GALNT14: variants seen among roughly 807,000 people sequenced by gnomAD.
GALNT14 encodes the protein UDP-GalNAc:polypeptide N-acetylgalactosaminyltransferase 14.
In GALNT14, 60 loss-of-function variants were observed where a neutral mutation model predicts 77.5. The ratio of observed to expected loss-of-function variants is 0.77; its 90% CI spans 0.63 to 0.96. The LOEUF is 0.96. GALNT14 is among the 40% of genes least tolerant of loss of function. The pLI is 0.00. For synonymous variants in GALNT14, 280 were observed against 281.7 expected (o/e 0.99, Z 0.06); for missense variants, 710 against 731.0 (o/e 0.97, Z 0.33).
At chr2:30,980,167 C>T (rs772812721) in intron 2 of GALNT14, among the ~76,000 whole-genome samples, 1 of 152,224 alleles carries the variant, frequency 6.6e-6, no homozygotes, top group Non-Finnish European at 1.5e-5. Context: ...CTGTGACTCA[C>T]ATGAGCCGCA....
chr2:31,111,995 C>CTTTTTTTT (rs398080139), intron 1 of GALNT14, among the ~76,000 whole-genome samples: 43 of 134,100 alleles, frequency 3.2e-4, no homozygotes, highest in South Asian at 2.3e-4. Context: ...TGTGTACTTG[C>CTTTTTTTT]TTTTTTTTTT....
At chr2:31,017,529 A>G (rs1160882082) in intron 1 of GALNT14, among the ~76,000 whole-genome samples, 1 of 152,224 alleles carries the variant, frequency 6.6e-6, no homozygotes, top group African/African-American at 2.4e-5. Flanking sequence ...AATGAAGTAA[A>G]GGGTTTAAAG....
intron 1 of GALNT14, among the ~76,000 whole-genome samples, chr2:31,097,780 A>G (rs1677075061): frequency 6.6e-6 from 1 of 152,102 alleles, no homozygotes; most frequent in Non-Finnish European, 1.5e-5. Flanking sequence ...CTGTTTGTAG[A>G]GCAAGACTGT....
At chr2:30,894,144 A>G in the GALNT14 span, among the ~76,000 whole-genome samples, 1 of 152,070 alleles carries the variant, frequency 6.6e-6, no homozygotes, top group Admixed American at 6.5e-5. Flanking sequence ...TTGATAAGTT[A>G]TTGCACTTCT....
chr2:30,907,753 A>G (rs1336838692), downstream of GALNT14, among the ~76,000 whole-genome samples: 76 of 148,378 alleles, frequency 5.1e-4, no homozygotes, highest in African/African-American at 1.8e-3. Context: ...CAGAGACACA[A>G]CAAAAAAAGA....
intron 6 of GALNT14, among the ~76,000 whole-genome samples, chr2:30,954,544 G>A (rs1383023139): frequency 6.6e-6 from 1 of 152,180 alleles, no homozygotes; most frequent in Non-Finnish European, 1.5e-5. Context: ...GTTACTGATG[G>A]GCCTTAACCT....
intron 1 of GALNT14, among the ~76,000 whole-genome samples, chr2:31,005,717 T>C (rs1422684780): frequency 2.6e-5 from 4 of 152,188 alleles, no homozygotes; most frequent in Non-Finnish European, 5.9e-5. Context: ...TGTCCGTCTG[T>C]GAGAATTGGT....
chr2:31,115,270 A>T (rs1305376352), intron 1 of GALNT14, among the ~76,000 whole-genome samples: 1 of 151,968 alleles, frequency 6.6e-6, no homozygotes, highest in African/African-American at 2.4e-5. Context: ...ACAAAAAAAA[A>T]AATAATCCCA....
At chr2:31,052,242 A>G (rs552678992) in intron 1 of GALNT14, among the ~76,000 whole-genome samples, 5 of 152,008 alleles carry the variant, frequency 3.3e-5, no homozygotes, top group Non-Finnish European at 5.9e-5. Context: ...CAGCCTCAGC[A>G]CTCCACATGG....
At chr2:30,888,705 T>C in the GALNT14 span, among the ~76,000 whole-genome samples, 5 of 152,048 alleles carry the variant, frequency 3.3e-5, no homozygotes, top group Admixed American at 1.3e-4. Flanking sequence ...CCAATGGCCA[T>C]TGGCAGGCAA....
At chr2:31,046,101 A>G (rs1430650764) in intron 1 of GALNT14, among the ~76,000 whole-genome samples, 1 of 152,204 alleles carries the variant, frequency 6.6e-6, no homozygotes, top group Non-Finnish European at 1.5e-5. Flanking sequence ...GATTCCAATG[A>G]GGTAGGTGCT....
At chr2:30,932,864 G>A (rs975553730) in intron 9 of GALNT14, among the ~76,000 whole-genome samples, 1 of 152,230 alleles carries the variant, frequency 6.6e-6, no homozygotes, top group Non-Finnish European at 1.5e-5. Flanking sequence ...AACTAGAGCT[G>A]AAAGCAGTTC....
chr2:30,923,871 T>C (rs923391723), intron 13 of GALNT14, among the ~76,000 whole-genome samples: 2 of 152,204 alleles, frequency 1.3e-5, no homozygotes, highest in African/African-American at 2.4e-5. Flanking sequence ...GCTAACTTAA[T>C]GGGCAATTTC....
intron 13 of GALNT14, among the ~76,000 whole-genome samples, chr2:30,921,919 A>G (rs546709386): frequency 9.4e-4 from 143 of 152,332 alleles, no homozygotes; most frequent in Non-Finnish European, 1.8e-3. Flanking sequence ...CCTACAACAA[A>G]GAAACGTCCA....
chr2:31,105,677 A>G (rs1353045425), intron 1 of GALNT14, among the ~76,000 whole-genome samples: 2 of 152,064 alleles, frequency 1.3e-5, no homozygotes, highest in Non-Finnish European at 1.5e-5. Flanking sequence ...GTGAGCCAAG[A>G]TCATACCACT....
chr2:30,906,195 A>G (rs1664138366), downstream of GALNT14, among the ~76,000 whole-genome samples: 5 of 150,846 alleles, frequency 3.3e-5, no homozygotes, highest in Admixed American at 2.6e-4. Flanking sequence ...TGACAGGATC[A>G]AATTCACACA....
chr2:30,924,138 C>T lies in GALNT14; in HGVS notation c.1361G>A (p.Gly454Asp), dbSNP rs1232747339. The change falls in exon 13 of 15, where the codon GGC (glycine) becomes GAC (aspartate). Residue 454 changes from glycine to aspartate, a missense_variant. Physicochemically the swap from Gly to Asp is moderately conservative, Grantham distance 94. Coordinates refer to ENST00000349752, the MANE Select transcript of GALNT14 (RefSeq NM_024572.4). ...CTTTACCTGGGACTTTGCATCTTCG[C>T]CTTTGACCTTGGCACAGGGGCTCAA... is the stretch of plus-strand genomic sequence containing the variant. Reference protein sequence around the residue: ...LKLSPCAKVKGEDAKSQVWAF... With the variant: ...LKLSPCAKVKDEDAKSQVWAF... 1.2e-6 allele frequency: 2 copies of T among 1,614,212 alleles called. No individual in the cohort carries two copies. The highest frequency in any genetic ancestry group is 2.2e-5 in the South Asian group (2 of 91,082).
intron 1 of GALNT14, among the ~76,000 whole-genome samples, chr2:31,006,755 G>C (rs1169230840): frequency 6.6e-6 from 1 of 152,208 alleles, no homozygotes; most frequent in African/African-American, 2.4e-5. Context: ...TGCTAAACTG[G>C]AATATGGCTA....
chr2:30,931,689 C>T (rs569758360), intron 10 of GALNT14, among the ~76,000 whole-genome samples: 1 of 152,232 alleles, frequency 6.6e-6, no homozygotes, highest in Non-Finnish European at 1.5e-5. Context: ...AGTGACCCAG[C>T]CCGAAGGTGG....
Sources: gnomAD v4.1 joint callset for allele counts (sites outside exome capture counted in the v4.1 genomes callset) on GRCh38, gnomAD v4.1.1 for gene constraint, MANE v1.5 for transcripts, NCBI Gene and HGNC (gene_info 2026-07-23, HGNC 2026-07-21) for gene names.